Variants in MYO5B observed in about 807,000 individuals in gnomAD.
The protein encoded by MYO5B is unconventional myosin-Vb.
In MYO5B, 143 loss-of-function variants were observed where a neutral mutation model predicts 229.3. That is an observed-to-expected ratio of 0.62 (90% CI 0.54 to 0.72). The LOEUF (loss-of-function observed/expected upper bound fraction) is 0.72, where lower values mean the gene tolerates loss of function less well. Ranked by LOEUF, MYO5B falls within the 30% of genes least tolerant of loss-of-function variation. The pLI is 0.00. For synonymous variants in MYO5B, 918 were observed against 885.2 expected (o/e 1.04, Z -0.66); for missense variants, 2,321 against 2,331.0 (o/e 1.00, Z 0.09).
chr18:50,137,120 T>A (rs972249050), intron 1 of MYO5B, among the ~76,000 whole-genome samples: 1 of 39,626 alleles, frequency 2.5e-5, no homozygotes, highest in Non-Finnish European at 6.5e-5. Context: ...GAACACAAGT[T>A]TCAAGCATTG....
intron 7 of MYO5B, among the ~76,000 whole-genome samples, 166 bp downstream of exon 7, chr18:49,990,273 T>G (rs1380827849): frequency 6.6e-6 from 1 of 152,126 alleles, no homozygotes; most frequent in Admixed American, 6.5e-5. Flanking sequence ...TAACCCTCTT[T>G]TACTAATTGA....
chr18:49,937,020 A>T (rs1052002125), intron 15 of MYO5B, among the ~76,000 whole-genome samples: 1 of 152,110 alleles, frequency 6.6e-6, no homozygotes, highest in African/African-American at 2.4e-5. Context: ...TAACATACTT[A>T]TGGAGGCTAC....
intron 4 of MYO5B, among the ~76,000 whole-genome samples, chr18:50,006,410 T>C (rs775510771): frequency 1.3e-5 from 2 of 152,144 alleles, no homozygotes; most frequent in Non-Finnish European, 2.9e-5. Flanking sequence ...GCAAGGAATT[T>C]AGTACTCAGC....
At chr18:49,863,554 G>C (rs1468195542) in intron 28 of MYO5B, among the ~76,000 whole-genome samples, 1 of 152,120 alleles carries the variant, frequency 6.6e-6, no homozygotes, top group Admixed American at 6.5e-5. Context: ...GGGGCGGTGG[G>C]GGAAGATGGC....
At chr18:50,041,037 A>T (rs1026857890) in intron 2 of MYO5B, among the ~76,000 whole-genome samples, 1 of 152,218 alleles carries the variant, frequency 6.6e-6, no homozygotes, top group African/African-American at 2.4e-5. Flanking sequence ...CAGGTAGTTT[A>T]TAAGAAGGTA....
At chr18:50,035,927 A>G (rs1287482039) in intron 4 of MYO5B, among the ~76,000 whole-genome samples, 1 of 152,224 alleles carries the variant, frequency 6.6e-6, no homozygotes. Flanking sequence ...GGATGCCCAT[A>G]AAACAGTCTT....
intron 1 of MYO5B, among the ~76,000 whole-genome samples, chr18:50,157,890 A>G (rs1369749405): frequency 6.6e-6 from 1 of 152,254 alleles, no homozygotes; most frequent in East Asian, 1.9e-4. Flanking sequence ...GTGAAATTCA[A>G]AAACAATTGA....
chr18:50,184,851 C>A (rs1380183583), intron 1 of MYO5B, among the ~76,000 whole-genome samples: 1 of 150,580 alleles, frequency 6.6e-6, no homozygotes, highest in African/African-American at 2.5e-5. Context: ...CCAGCATGAG[C>A]AACATGGTGA....
At chr18:49,997,184 C>T (rs368076267) in intron 5 of MYO5B, among the ~76,000 whole-genome samples, 29 of 148,088 alleles carry the variant, frequency 2.0e-4, no homozygotes, top group African/African-American at 7.0e-4. Flanking sequence ...AGGAGAATCG[C>T]TGGAGCCCAG....
intron 36 of MYO5B, among the ~76,000 whole-genome samples, chr18:49,838,756 A>G (rs753769315): frequency 7.2e-5 from 11 of 152,196 alleles, no homozygotes; most frequent in Non-Finnish European, 1.2e-4. Context: ...CATCGTGCCG[A>G]CTGCTGTGTC....
chr18:49,859,821 T>C (rs1489598193), intron 29 of MYO5B, among the ~76,000 whole-genome samples: 2 of 152,188 alleles, frequency 1.3e-5, no homozygotes, highest in Non-Finnish European at 2.9e-5. Context: ...GGGCAGAAGC[T>C]AGCTCTTCCC....
intron 4 of MYO5B, among the ~76,000 whole-genome samples, chr18:50,027,747 A>T (rs1469495800): frequency 1.3e-5 from 2 of 152,226 alleles, no homozygotes; most frequent in East Asian, 3.8e-4. Context: ...CCACTTCTAG[A>T]TAAGAACGAC....
chr18:50,191,037 A>T (rs1166709855), intron 1 of MYO5B, among the ~76,000 whole-genome samples: 2 of 152,232 alleles, frequency 1.3e-5, no homozygotes, highest in Non-Finnish European at 2.9e-5. Flanking sequence ...ACTAAAATGA[A>T]TAATCTCTAA....
At chr18:49,984,008 G>A (rs73442509) in intron 8 of MYO5B, among the ~76,000 whole-genome samples, 1,892 of 152,316 alleles carry the variant, frequency 0.012, 39 homozygotes, top group African/African-American at 0.043. Flanking sequence ...ACCATCTTGC[G>A]CCACTTGGGG....
At chr18:49,916,244 A>C (rs1175547744) in intron 17 of MYO5B, among the ~76,000 whole-genome samples, 1 of 152,238 alleles carries the variant, frequency 6.6e-6, no homozygotes, top group Non-Finnish European at 1.5e-5. Context: ...CTTACTGCTG[A>C]CAGATCCATA....
Position 49,875,758 on chromosome 18 carries a change from G to A in MYO5B, c.3466C>T (p.Leu1156=). 1 of 1,614,106 alleles carries A rather than the reference G, an allele frequency of 6.2e-7. No homozygotes were observed. The highest frequency in any genetic ancestry group is 1.1e-5 in the South Asian group (1 of 91,084). ...FLKLQKRVRE[L]EQERKKLQVQ... ...TGCAGCTTTTTCCTCTCCTGCTCCA[G>A]CTCCCGTACTCTCTTCTGCAGCTTC... The change falls in exon 26 of 40, where the codon CTG becomes TTG. Residue 1156 remains leucine, a synonymous_variant. Transcript: ENST00000285039.
intron 1 of MYO5B, among the ~76,000 whole-genome samples, chr18:50,114,719 C>T (rs1232187512): frequency 6.6e-6 from 1 of 152,166 alleles, no homozygotes; most frequent in Non-Finnish European, 1.5e-5. Flanking sequence ...GAGTGGCCAG[C>T]ACCGCTGCAT....
chr18:50,136,310 C>T (rs1484889899), intron 1 of MYO5B, among the ~76,000 whole-genome samples: 1 of 151,900 alleles, frequency 6.6e-6, no homozygotes, highest in Non-Finnish European at 1.5e-5. Flanking sequence ...TATCTACCTG[C>T]CTTTAGTCTC....
At chr18:50,138,043 C>T (rs1197994576) in intron 1 of MYO5B, among the ~76,000 whole-genome samples, 2 of 152,024 alleles carry the variant, frequency 1.3e-5, no homozygotes, top group African/African-American at 4.8e-5. Flanking sequence ...GGCTTCATAC[C>T]TCACTGATGA....
Sources: allele counts gnomAD v4.1 joint callset (sites outside exome capture counted in the v4.1 genomes callset), GRCh38; gene constraint gnomAD v4.1.1; transcripts MANE v1.5; gene names NCBI Gene and HGNC (gene_info 2026-07-23, HGNC 2026-07-21).